The following TTBK2 variants were observed in gnomAD, a reference collection of about 807,000 sequenced individuals.
TTBK2 encodes the protein tau-tubulin kinase 2.
In TTBK2, 28 loss-of-function variants were observed where a neutral mutation model predicts 110.8. The observed-to-expected ratio is 0.25, with a 90% CI of 0.19 to 0.35. The LOEUF (loss-of-function observed/expected upper bound fraction) is 0.35, where lower values mean the gene tolerates loss of function less well. Among genes scored for constraint, TTBK2 ranks in the 10% least tolerant of loss-of-function variants. The pLI, the probability that TTBK2 is intolerant of heterozygous loss-of-function variation, is 1.00. For missense variants in TTBK2, 1,369 were observed against 1,500.3 expected (o/e 0.91, Z 1.45); for synonymous variants, 532 against 527.3 (o/e 1.01, Z -0.12).
intron 3 of TTBK2, among the ~76,000 whole-genome samples, chr15:42,851,655 T>C (rs1419315919): frequency 2.0e-5 from 3 of 152,108 alleles, no homozygotes; most frequent in Admixed American, 6.6e-5. Flanking sequence ...GATGATTATA[T>C]ATTATTTTAG....
intron 3 of TTBK2, among the ~76,000 whole-genome samples, chr15:42,854,797 A>G (rs1250833636): frequency 1.3e-5 from 2 of 152,214 alleles, no homozygotes; most frequent in Non-Finnish European, 2.9e-5. Flanking sequence ...ACTGTCAACG[A>G]GTATTTATAG....
chr15:42,801,078 C>G (rs757908800), intron 9 of TTBK2: 1 of 787,046 alleles, frequency 1.3e-6, no homozygotes, highest in Non-Finnish European at 2.3e-6. Context: ...GGAGCCCATG[C>G]CAGAGCCAAA....
chr15:42,783,291 G>A (rs1045618684), intron 11 of TTBK2, 128 bp downstream of exon 11: 2 of 832,194 alleles, frequency 2.4e-6, no homozygotes, highest in Non-Finnish European at 4.0e-6. Flanking sequence ...TACCACATGA[G>A]GACTCAGCAA....
At chr15:42,880,184 G>C (rs1389663760) in intron 1 of TTBK2, among the ~76,000 whole-genome samples, 1 of 152,020 alleles carries the variant, frequency 6.6e-6, no homozygotes, top group African/African-American at 2.4e-5. Context: ...GTAATCATCA[G>C]AACTGGTGTT....
chr15:42,909,558 T>C (rs1460590235), intron 1 of TTBK2, among the ~76,000 whole-genome samples: 1 of 152,206 alleles, frequency 6.6e-6, no homozygotes, highest in Non-Finnish European at 1.5e-5. Context: ...TAAGTTAACA[T>C]ATTCATGTGC....
intron 5 of TTBK2, 67 bp downstream of exon 5, chr15:42,829,871 A>G (rs1892678367): frequency 6.3e-7 from 1 of 1,577,642 alleles, no homozygotes; most frequent in African/African-American, 1.3e-5. Flanking sequence ...TTTGTAATTT[A>G]TTGTGTCCCA....
At chr15:42,801,312 G>T (rs775479663) in intron 9 of TTBK2, 1 of 1,527,730 alleles carries the variant, frequency 6.5e-7, no homozygotes, top group Admixed American at 1.7e-5. Context: ...CAGCTGCCGC[G>T]CCATGTCTTG....
intron 3 of TTBK2, among the ~76,000 whole-genome samples, chr15:42,848,671 G>A (rs1893570913): frequency 2.0e-5 from 3 of 152,056 alleles, no homozygotes. Flanking sequence ...TGTATTTTTA[G>A]TAGAGACGGG....
intron 13 of TTBK2, among the ~76,000 whole-genome samples, chr15:42,763,165 T>TACATATATATATATAC (rs1567008852): frequency 1.6e-4 from 2 of 12,780 alleles, no homozygotes; most frequent in African/African-American, 7.3e-4. Context: ...TACATATATA[T>TACATATATATATATAC]ATATATATAT....
chr15:42,775,075 C>T, intron 13 of TTBK2, 60 bp downstream of exon 13: 6 of 1,562,476 alleles, frequency 3.8e-6, no homozygotes, highest in Non-Finnish European at 5.2e-6. Context: ...AACTGTTAGT[C>T]CTTTCTTAAT....
intron 1 of TTBK2, among the ~76,000 whole-genome samples, chr15:42,892,553 A>G (rs1454655296): frequency 1.3e-5 from 2 of 151,836 alleles, no homozygotes; most frequent in Non-Finnish European, 2.9e-5. Flanking sequence ...CAAAAAATAT[A>G]AAAATTAGCC....
chr15:42,771,060 G>A lies in TTBK2; in HGVS notation c.1998+4075C>T, dbSNP rs1286529224. 3.3e-5 allele frequency among the ~76,000 whole-genome samples: 5 copies of A among 151,332 alleles called. No individual in the cohort carries two copies. The South Asian group carries it at 6.3e-4, about 19-fold the overall frequency. ...GCGATCTCGGCTCACTGCAACCTCC[G>A]GCTCCCAGGTTTTTAAGCAATTCTC... On this transcript the variant is annotated intron_variant, in intron 13 of 14. Transcript: ENST00000267890.
At chr15:42,864,039 A>C (rs1894264529) in intron 3 of TTBK2, among the ~76,000 whole-genome samples, 1 of 152,112 alleles carries the variant, frequency 6.6e-6, no homozygotes, top group Non-Finnish European at 1.5e-5. Context: ...ATTTTGGCTA[A>C]GTCCCCAGAA....
At chr15:42,861,524 T>G (rs376075325) in intron 3 of TTBK2, among the ~76,000 whole-genome samples, 1 of 151,782 alleles carries the variant, frequency 6.6e-6, no homozygotes, top group Non-Finnish European at 1.5e-5. Context: ...AAGGCAGAAA[T>G]AAAAAAATCA....
At chr15:42,807,060 CAG>C (rs749367225) in intron 9 of TTBK2, among the ~76,000 whole-genome samples, 36 of 152,150 alleles carry the variant, frequency 2.4e-4, no homozygotes, top group Admixed American at 5.9e-4. Flanking sequence ...CAGATGTTAT[CAG>C]AGTCAGAGGA....
At position 42,752,646 on chromosome 15, in the gene TTBK2, A is replaced by G. The variant is rs2061882825; in HGVS notation, c.2600T>C (p.Ile867Thr). The stretch of plus-strand genomic sequence containing the variant: ...TTTTTGCATTTCTGCCACTTGGCCT[A>G]TCTGACCTTCAACATGTGGGTCAAT... ...RDIDPHVEGQ[I>T]GQVAEMQKNK... Residue 867 changes from isoleucine to threonine, a missense_variant, in exon 14 of 15, where the codon ATA (isoleucine) becomes ACA (threonine). Physicochemically the swap from Ile to Thr is moderately conservative, Grantham distance 89. Transcript: ENST00000267890. The G allele has an allele frequency of 6.2e-7, 1 of 1,614,110 alleles. No individual in the cohort carries two copies. The highest frequency in any genetic ancestry group is 8.5e-7 in the Non-Finnish European group (1 of 1,180,036).
intron 9 of TTBK2, chr15:42,801,246 G>A: frequency 1.3e-6 from 2 of 1,551,962 alleles, no homozygotes; most frequent in Non-Finnish European, 1.8e-6. Flanking sequence ...CTTCCTGTAG[G>A]TGGCGATCTT....
chr15:42,785,115 A>AT (rs199963873), intron 10 of TTBK2, among the ~76,000 whole-genome samples: 1,211 of 102,182 alleles, frequency 0.012, 30 homozygotes, highest in African/African-American at 0.036. Context: ...TCACTTGCAG[A>AT]TTTTTTTTTT....
intron 1 of TTBK2, among the ~76,000 whole-genome samples, chr15:42,917,755 G>C (rs934731395): frequency 6.6e-5 from 10 of 150,474 alleles, no homozygotes; most frequent in African/African-American, 2.4e-4. Flanking sequence ...AAATATTGAA[G>C]GTATATTGCA....
Sources: allele counts gnomAD v4.1 joint callset (sites outside exome capture counted in the v4.1 genomes callset), GRCh38; gene constraint gnomAD v4.1.1; transcripts MANE v1.5; gene names NCBI Gene and HGNC (gene_info 2026-07-23, HGNC 2026-07-21).